The following SLC12A3 variants were observed in gnomAD, a reference collection of about 807,000 sequenced individuals.
SLC12A3 encodes Na-Cl cotransporter.
SLC12A3 carries 104 observed loss-of-function variants against 121.0 expected under a neutral mutation model. The observed-to-expected ratio is 0.86, with a 90% CI of 0.73 to 1.01. The LOEUF (loss-of-function observed/expected upper bound fraction) is 1.01. SLC12A3 is among the 50% of genes least tolerant of loss of function. The pLI is 0.00. For missense variants in SLC12A3, 1,328 were observed against 1,356.3 expected (o/e 0.98, Z 0.33); for synonymous variants, 536 against 533.4 (o/e 1.00, Z -0.07).
chr16:56,899,584 C>G lies in SLC12A3; in HGVS notation c.2688C>G (p.Leu896=). The G allele has an allele frequency of 2.5e-6, 4 of 1,614,164 alleles. No individual in the cohort carries two copies. Among genetic ancestry groups the G allele is most frequent in the Non-Finnish European group, 3.4e-6 (4 of 1,179,968 alleles). ...TGGGATTCCATGAAGTCCACATCCT[C>G]CCTGACATCAACCAGAACCCTCGGG... is the stretch of plus-strand genomic sequence containing the variant. ...FRLGFHEVHI[L]PDINQNPRAE... is the part of the protein sequence containing the mutation. The change falls in exon 23 of 26, where the codon CTC becomes CTG. Residue 896 remains leucine (L), a synonymous_variant. Transcript: ENST00000563236.
intron 25 of SLC12A3, among the ~76,000 whole-genome samples, chr16:56,905,738 G>A (rs2055599912): frequency 2.0e-5 from 3 of 152,112 alleles, no homozygotes; most frequent in Non-Finnish European, 4.4e-5. Context: ...TCCTCACATA[G>A]GATGTATGGA....
In SLC12A3 at chr16:56,869,760, C is replaced by T. The variant is rs2055065519; in HGVS notation, c.537C>T (p.Val179=). ...VLTWIIILLS[V]TVTSITGLSI... Reference sequence around the variant, plus strand: ...CCTGGATCATCATCCTGCTGTCGGTCACGGTGACCTCCATCACAGGCCTCT... The same window carrying T: ...CCTGGATCATCATCCTGCTGTCGGTTACGGTGACCTCCATCACAGGCCTCT... Residue 179 remains valine (V), a synonymous_variant, in exon 4 of 26, where the codon GTC becomes GTT. Coordinates refer to ENST00000563236, the MANE Select transcript of SLC12A3 (RefSeq NM_001126108.2). 1 of 1,614,036 alleles carries T rather than the reference C, an allele frequency of 6.2e-7. No individual in the cohort carries two copies. The highest frequency in any genetic ancestry group is 1.7e-5 in the Admixed American group (1 of 60,004).
Position 56,890,288 on chromosome 16 carries a change from TC to T in SLC12A3, c.2301del (p.Phe767LeufsTer8). On this transcript the variant is annotated frameshift_variant, in exon 19 of 26. Coordinates refer to ENST00000563236, the MANE Select transcript of SLC12A3 (RefSeq NM_001126108.2). LOFTEE classifies it high-confidence loss of function. ...YIGILHDAFD[F>X]NYGVCVMRMR... ...TCTCTTTCCAGTGATGCCTTTGATT[TC>T]AACTATGGCGTGTGTGTCATGAGGA... 3.1e-6 allele frequency: 5 copies of T among 1,614,134 alleles called. No individual in the cohort carries two copies. Among genetic ancestry groups the T allele is most frequent in the Non-Finnish European group, 4.2e-6 (5 of 1,180,016 alleles).
In SLC12A3 at chr16:56,884,213, C is replaced by G. The variant is rs35797045; in HGVS notation, c.1825+9C>G. The stretch of plus-strand genomic sequence containing the variant: ...CATCTACAAGAAGCCAGGTGCGCAT[C>G]TCAGCTGCGGGGCCTCGGCCCTCCT... On this transcript the variant is annotated intron_variant, in intron 14 of 25. Transcript: ENST00000563236. 1.2e-6 allele frequency: 2 copies of G among 1,613,812 alleles called. No individual in the cohort carries two copies. The highest frequency in any genetic ancestry group is 2.7e-5 in the African/African-American group (2 of 74,930).
intron 25 of SLC12A3, among the ~76,000 whole-genome samples, chr16:56,911,409 C>T (rs1247158107): frequency 6.6e-6 from 1 of 152,170 alleles, no homozygotes; most frequent in African/African-American, 2.4e-5. Context: ...ACTGCAGCCT[C>T]GACCTCCCAG....
At chr16:56,910,117 A>C (rs548907662) in intron 25 of SLC12A3, among the ~76,000 whole-genome samples, 1 of 152,300 alleles carries the variant, frequency 6.6e-6, no homozygotes, top group African/African-American at 2.4e-5. Flanking sequence ...AATAATCAAC[A>C]TTGCATTTTA....
chr16:56,873,374 C>CTTTTTTTTTTTTTTTTTTTTTTTTTT (rs59478629), intron 8 of SLC12A3, among the ~76,000 whole-genome samples: 1 of 75,372 alleles, frequency 1.3e-5, no homozygotes, highest in African/African-American at 5.3e-5. Context: ...CTCTTTCTTT[C>CTTTTTTTTTTTTTTTTTTTTTTTTTT]TTTTTTTTTT....
chr16:56,879,468 G>A, intron 10 of SLC12A3, 74 bp from the exon 11 acceptor site: 1 of 1,294,370 alleles, frequency 7.7e-7, no homozygotes, highest in Non-Finnish European at 1.1e-6. Context: ...CCCGCAGTAG[G>A]GAATGAAGTG....
In SLC12A3 at chr16:56,894,587, A is replaced by G. The variant is rs200253241; in HGVS notation, c.2578A>G (p.Lys860Glu). 35 of 1,614,150 alleles carry G rather than the reference A, an allele frequency of 2.2e-5. No homozygotes were observed. The East Asian group carries it at 6.7e-4, about 31-fold the overall frequency. The change falls in exon 22 of 26, where the codon AAG becomes GAG. Residue 860 changes from lysine to glutamate, a missense_variant. By Grantham distance (56) the Lys-to-Glu change is moderately conservative (BLOSUM62 1). Coordinates refer to ENST00000563236, the MANE Select transcript of SLC12A3 (RefSeq NM_001126108.2). ...LGRKRRWSKC[K>E]IRVFVGGQIN... ...CCGCAAGAGGAGGTGGAGCAAATGC[A>G]AGATCCGTGTGTTCGTAGGCGGCCA...
chr16:56,887,298 G>A (rs1420342582), intron 17 of SLC12A3, among the ~76,000 whole-genome samples: 3 of 151,904 alleles, frequency 2.0e-5, no homozygotes, highest in African/African-American at 4.8e-5. Context: ...TCCGCCTCCC[G>A]GGTTCAAGTG....
intron 25 of SLC12A3, among the ~76,000 whole-genome samples, chr16:56,912,997 G>A (rs1023288623): frequency 9.2e-5 from 14 of 152,182 alleles, no homozygotes; most frequent in Admixed American, 3.3e-4. Flanking sequence ...TGAGCAAGGC[G>A]AGGGTGGGAG....
intron 6 of SLC12A3, among the ~76,000 whole-genome samples, chr16:56,872,040 CAG>C (rs1353122854): frequency 3.3e-5 from 5 of 151,988 alleles, no homozygotes; most frequent in African/African-American, 9.7e-5. Flanking sequence ...TTAGTAGAGA[CAG>C]AGTTTCCCCA....
chr16:56,870,989 C>T (rs2055089044), intron 6 of SLC12A3, among the ~76,000 whole-genome samples: 1 of 152,132 alleles, frequency 6.6e-6, no homozygotes, highest in South Asian at 2.1e-4. Context: ...CACCTGCCAC[C>T]ACACCTGGCT....
At chr16:56,911,126 C>T (rs1425238017) in intron 25 of SLC12A3, among the ~76,000 whole-genome samples, 1 of 152,218 alleles carries the variant, frequency 6.6e-6, no homozygotes, top group Non-Finnish European at 1.5e-5. Flanking sequence ...ATTCAGTCCC[C>T]GAAATCATGT....
At chr16:56,886,560 G>T in intron 16 of SLC12A3, 85 bp downstream of exon 16, 13 of 1,251,672 alleles carry the variant, frequency 1.0e-5, no homozygotes, top group Non-Finnish European at 1.5e-5. Flanking sequence ...CAAGACAGGT[G>T]GATCACCCGA....
intron 4 of SLC12A3, 127 bp from the exon 5 acceptor site, chr16:56,869,969 G>A (rs2055069633): frequency 1.0e-5 from 14 of 1,396,744 alleles, no homozygotes; most frequent in East Asian, 4.6e-5. Context: ...TCTACACCAC[G>A]AGATGGCCTC....
chr16:56,890,236 C>T (rs768798680), intron 18 of SLC12A3, 38 bp from the exon 19 acceptor site: 2 of 1,544,448 alleles, frequency 1.3e-6, no homozygotes, highest in Non-Finnish European at 1.8e-6. Flanking sequence ...CCAGTGGGAG[C>T]TGGGGGAGAA....
chr16:56,865,355 C>A lies in SLC12A3; in HGVS notation c.120C>A (p.Ser40Arg). Residue 40 changes from serine (S) to arginine (R), a missense_variant, in exon 1 of 26, where the codon AGC becomes AGA. Physicochemically the swap from Ser to Arg is moderately radical, Grantham distance 110. Coordinates refer to ENST00000563236, the MANE Select transcript of SLC12A3 (RefSeq NM_001126108.2). Reference sequence around the variant, plus strand: ...CTCCACCAGCTGCCTATGACAGCAGCCACCCCAGCCACCTGACCCACAGCA... The same window carrying A: ...CTCCACCAGCTGCCTATGACAGCAGACACCCCAGCCACCTGACCCACAGCA... ...EPSPPAAYDSSHPSHLTHSST... is the reference protein window; with the variant it reads ...EPSPPAAYDSRHPSHLTHSST... 1 of 1,614,166 alleles carries A rather than the reference C, an allele frequency of 6.2e-7. No individual in the cohort carries two copies. Among genetic ancestry groups the A allele is most frequent in the Non-Finnish European group, 8.5e-7 (1 of 1,180,042 alleles).
At chr16:56,878,962 G>A in intron 9 of SLC12A3, 111 bp from the exon 10 acceptor site, 1 of 1,301,246 alleles carries the variant, frequency 7.7e-7, no homozygotes, top group Non-Finnish European at 1.1e-6. Flanking sequence ...GCATAATGAA[G>A]GGACAGCTGC....
Sources: gnomAD v4.1 joint callset for allele counts (sites outside exome capture counted in the v4.1 genomes callset) on GRCh38, gnomAD v4.1.1 for gene constraint, MANE v1.5 for transcripts, NCBI Gene and HGNC (gene_info 2026-07-23, HGNC 2026-07-21) for gene names.